MAF: variants seen among roughly 807,000 people sequenced by gnomAD.
The protein encoded by MAF is transcription factor Maf.
MAF carries 10 observed loss-of-function variants against 22.0 expected under a neutral mutation model. The ratio of observed to expected loss-of-function variants is 0.45; its 90% CI spans 0.28 to 0.77. MAF has a LOEUF of 0.77. Ranked by LOEUF, MAF falls within the 30% of genes least tolerant of loss-of-function variation. The pLI is 0.12. For missense variants in MAF, 544 were observed against 548.4 expected, an observed-to-expected ratio of 0.99 and a Z score of 0.08; for synonymous variants, 337 against 255.8, an observed-to-expected ratio of 1.32 and a Z score of -3.03.
At chr16:79,544,331 G>A in the MAF span, among the ~76,000 whole-genome samples, 1 of 152,266 alleles carries the variant, frequency 6.6e-6, no homozygotes, top group South Asian at 2.1e-4. Context: ...CATGGCAGAT[G>A]GCTACTGCAT....
the MAF span, among the ~76,000 whole-genome samples, chr16:79,399,612 G>T: frequency 6.6e-6 from 1 of 152,156 alleles, no homozygotes; most frequent in Non-Finnish European, 1.5e-5. Flanking sequence ...GCCCCAGCCA[G>T]GGAGGGGTGT....
At chr16:79,207,280 A>T in the MAF span, among the ~76,000 whole-genome samples, 1 of 152,248 alleles carries the variant, frequency 6.6e-6, no homozygotes, top group African/African-American at 2.4e-5. Flanking sequence ...GCTTTGTCCA[A>T]CAGACACCAG....
At chr16:79,320,911 G>C in the MAF span, among the ~76,000 whole-genome samples, 1 of 152,194 alleles carries the variant, frequency 6.6e-6, no homozygotes, top group Non-Finnish European at 1.5e-5. Context: ...GATGAGCAGA[G>C]TGACGTTAAG....
At chr16:79,441,122 C>T in the MAF span, among the ~76,000 whole-genome samples, 1 of 152,158 alleles carries the variant, frequency 6.6e-6, no homozygotes, top group African/African-American at 2.4e-5. Flanking sequence ...CTAGTACATG[C>T]CAGCTGTTTT....
At chr16:79,336,949 G>C in the MAF span, among the ~76,000 whole-genome samples, 1 of 152,236 alleles carries the variant, frequency 6.6e-6, no homozygotes, top group East Asian at 1.9e-4. Context: ...ACACGTTAAA[G>C]CAAGGAAAAA....
rs887575186 is a variant in MAF, at chr16:79,594,002, G to A, written c.*458C>T. On this transcript the variant is annotated 3_prime_UTR_variant, in exon 2 of 2. Coordinates refer to ENST00000326043, the MANE Select transcript of MAF (RefSeq NM_005360.5). ...AGCCTCTGCCCGTGGATTTGTTTAGGGAAGGGGAGTCGAATATCTATTTTT... is the reference window on the plus strand; with the variant it reads ...AGCCTCTGCCCGTGGATTTGTTTAGAGAAGGGGAGTCGAATATCTATTTTT... 7 of 223,494 alleles carry A rather than the reference G, an allele frequency of 3.1e-5. No individual in the cohort carries two copies. Among genetic ancestry groups the A allele is most frequent in the Non-Finnish European group, 6.3e-5 (7 of 111,322 alleles). The allele number at this position is 223,494 out of a possible 1,614,324, so 13.8% of individuals were successfully genotyped here.
chr16:79,527,777 A>G, the MAF span, among the ~76,000 whole-genome samples: 2 of 152,338 alleles, frequency 1.3e-5, no homozygotes, highest in East Asian at 3.9e-4. Flanking sequence ...AGCTACTGAG[A>G]AAGTTCTTTT....
At chr16:79,311,321 G>A in the MAF span, among the ~76,000 whole-genome samples, 1 of 151,932 alleles carries the variant, frequency 6.6e-6, no homozygotes, top group African/African-American at 2.4e-5. Flanking sequence ...AGAGTGTCAC[G>A]CAGGTATTGG....
the MAF span, among the ~76,000 whole-genome samples, chr16:79,332,709 A>G: frequency 1.3e-5 from 2 of 152,244 alleles, no homozygotes; most frequent in African/African-American, 4.8e-5. Context: ...GCGCAGTACT[A>G]TTACAAGTCT....
At chr16:79,289,442 G>A in the MAF span, among the ~76,000 whole-genome samples, 1 of 152,164 alleles carries the variant, frequency 6.6e-6, no homozygotes, top group East Asian at 1.9e-4. Context: ...GGGACTGTTT[G>A]GCTACCCACC....
chr16:79,491,774 G>A, the MAF span, among the ~76,000 whole-genome samples: 1,068 of 152,292 alleles, frequency 7.0e-3, 13 homozygotes, highest in African/African-American at 0.024. Flanking sequence ...CTTCCTATGA[G>A]CCTTGGGATA....
At chr16:79,530,261 C>T in the MAF span, among the ~76,000 whole-genome samples, 2 of 152,160 alleles carry the variant, frequency 1.3e-5, no homozygotes, top group African/African-American at 4.8e-5. Flanking sequence ...ACACAACAGA[C>T]TACTGGGTTT....
chr16:79,575,061 C>T, the MAF span, among the ~76,000 whole-genome samples: 15 of 150,336 alleles, frequency 1.0e-4, no homozygotes, highest in East Asian at 2.0e-4. Context: ...TGAGCCCCAA[C>T]GGCCACTAAA....
the MAF span, among the ~76,000 whole-genome samples, chr16:79,398,723 C>A: frequency 1.3e-5 from 2 of 152,006 alleles, no homozygotes; most frequent in African/African-American, 4.8e-5. Context: ...TAATGAATGG[C>A]AAATCTCCCA....
At chr16:79,541,420 T>C in the MAF span, among the ~76,000 whole-genome samples, 1 of 151,860 alleles carries the variant, frequency 6.6e-6, no homozygotes, top group South Asian at 2.1e-4. Flanking sequence ...TGAAGGAGCC[T>C]GCGTCAGTCC....
At chr16:79,413,543 G>C in the MAF span, among the ~76,000 whole-genome samples, 2 of 152,028 alleles carry the variant, frequency 1.3e-5, no homozygotes, top group Non-Finnish European at 2.9e-5. Context: ...GAGCTGTGCA[G>C]TTTTGATCCA....
the MAF span, among the ~76,000 whole-genome samples, chr16:79,506,037 G>A: frequency 6.6e-6 from 1 of 151,842 alleles, no homozygotes; most frequent in Admixed American, 6.6e-5. Context: ...AGAAGAGGGA[G>A]GAGAAGTCGT....
chr16:79,356,101 G>A, the MAF span, among the ~76,000 whole-genome samples: 1 of 151,704 alleles, frequency 6.6e-6, no homozygotes. Context: ...ACCCACACGT[G>A]CATTCAAGCA....
the MAF span, among the ~76,000 whole-genome samples, chr16:79,396,116 G>A: frequency 6.6e-6 from 1 of 152,182 alleles, no homozygotes; most frequent in Admixed American, 6.5e-5. Flanking sequence ...AGGATCTTAA[G>A]CACAATCTGA....
Sources: allele counts gnomAD v4.1 joint callset (sites outside exome capture counted in the v4.1 genomes callset), GRCh38; gene constraint gnomAD v4.1.1; transcripts MANE v1.5; gene names NCBI Gene and HGNC (gene_info 2026-07-23, HGNC 2026-07-21).